TMPRSS11D: variants seen among roughly 807,000 people sequenced by gnomAD.
TMPRSS11D encodes the protein transmembrane serine protease 11D.
In TMPRSS11D, 32 loss-of-function variants were observed where a neutral mutation model predicts 44.4. That is an observed-to-expected ratio of 0.72 (90% CI 0.54 to 0.97). The LOEUF (loss-of-function observed/expected upper bound fraction) is 0.97. Ranked by LOEUF, TMPRSS11D falls within the 50% of genes least tolerant of loss-of-function variation. The pLI, the probability that TMPRSS11D is intolerant of heterozygous loss-of-function variation, is 0.00. For synonymous variants in TMPRSS11D, 179 were observed against 177.9 expected (o/e 1.01, Z -0.05); for missense variants, 446 against 502.6 (o/e 0.89, Z 1.08).
intron 4 of TMPRSS11D, among the ~76,000 whole-genome samples, chr4:67,841,013 T>C (rs1718214825): frequency 6.6e-6 from 1 of 151,746 alleles, no homozygotes; most frequent in Non-Finnish European, 1.5e-5. Flanking sequence ...AGATAAAAGA[T>C]AAAATAGAGG....
Position 67,835,105 on chromosome 4 carries a change from A to C in TMPRSS11D, c.492T>G (p.Ala164=). ...TACCATTAATAAGCCAATTTGCTGC[A>C]GCCTGGTCAGTAAGTGCTAGTATTA... ...STEITSLTDQ[A]AANWLINECG... Residue 164 remains alanine, a synonymous_variant, in exon 6 of 10, where the codon GCT becomes GCG. Transcript: ENST00000283916. 6.2e-7 allele frequency: 1 copy of C among 1,612,484 alleles called. No individual in the cohort carries two copies. Among genetic ancestry groups the C allele is most frequent in the Non-Finnish European group, 8.5e-7 (1 of 1,178,862 alleles).
intron 3 of TMPRSS11D, among the ~76,000 whole-genome samples, chr4:67,853,836 T>G (rs569733270): frequency 1.2e-3 from 188 of 152,300 alleles, no homozygotes; most frequent in African/African-American, 4.2e-3. Context: ...ACAAATAAAA[T>G]GCATATTTAC....
intron 4 of TMPRSS11D, among the ~76,000 whole-genome samples, chr4:67,838,712 A>G (rs1036354564): frequency 6.6e-6 from 1 of 152,114 alleles, no homozygotes; most frequent in African/African-American, 2.4e-5. Context: ...ATAGCACACA[A>G]TAAGTGTACT....
At chr4:67,843,173 T>C (rs1386002557) in intron 3 of TMPRSS11D, among the ~76,000 whole-genome samples, 1 of 150,990 alleles carries the variant, frequency 6.6e-6, no homozygotes, top group African/African-American at 2.4e-5. Context: ...TTTTTAGCAT[T>C]AGTTGGTAAT....
At chr4:67,866,607 C>T (rs970500716) in intron 1 of TMPRSS11D, among the ~76,000 whole-genome samples, 4 of 151,932 alleles carry the variant, frequency 2.6e-5, no homozygotes, top group African/African-American at 9.7e-5. Context: ...CTCCAAAAGA[C>T]TCCTAGATTT....
intron 1 of TMPRSS11D, among the ~76,000 whole-genome samples, chr4:67,875,057 T>G (rs1021523356): frequency 4.6e-5 from 7 of 152,220 alleles, no homozygotes; most frequent in Non-Finnish European, 1.0e-4. Context: ...TCCTACTGGC[T>G]TCTTGCCTAG....
intron 1 of TMPRSS11D, among the ~76,000 whole-genome samples, chr4:67,862,289 G>A (rs1056699652): frequency 1.3e-5 from 2 of 152,060 alleles, no homozygotes; most frequent in Non-Finnish European, 2.9e-5. Context: ...TATAGGAAAG[G>A]TGAGACTCAG....
intron 1 of TMPRSS11D, among the ~76,000 whole-genome samples, chr4:67,866,161 G>A (rs1718920375): frequency 6.6e-6 from 1 of 151,944 alleles, no homozygotes; most frequent in Non-Finnish European, 1.5e-5. Context: ...GGTCAACTGG[G>A]TTTTATTCCA....
chr4:67,843,845 C>T (rs749766586), intron 3 of TMPRSS11D, among the ~76,000 whole-genome samples: 2 of 152,170 alleles, frequency 1.3e-5, no homozygotes, highest in Non-Finnish European at 2.9e-5. Context: ...ATCACTTGAA[C>T]CGGGGAGGTA....
chr4:67,838,211 A>G lies in TMPRSS11D; in HGVS notation c.436T>C (p.Ser146Pro). The change falls in exon 5 of 10, where the codon TCT becomes CCT. Residue 146 changes from serine (S) to proline (P), a missense_variant. Physicochemically the swap from Ser to Pro is moderately conservative, Grantham distance 74. Coordinates refer to ENST00000283916, the MANE Select transcript of TMPRSS11D (RefSeq NM_004262.3). ...GAAGGGTTTATTTCCAGGTTTCCAG[A>G]GTTATTCAGCATTTGTCGTAAAACA... ...ESVLRQMLNNSGNLEINPSTE... is the reference protein window; with the variant it reads ...ESVLRQMLNNPGNLEINPSTE... 3 of 1,587,820 alleles carry G rather than the reference A, an allele frequency of 1.9e-6. No homozygotes were observed. The highest frequency in any genetic ancestry group is 2.6e-6 in the Non-Finnish European group (3 of 1,169,254).
chr4:67,827,742 C>T (rs990564441), intron 7 of TMPRSS11D, among the ~76,000 whole-genome samples: 1 of 151,964 alleles, frequency 6.6e-6, no homozygotes, highest in Non-Finnish European at 1.5e-5. Context: ...GAAAACATAT[C>T]GTGGGGTGAT....
In TMPRSS11D at chr4:67,842,549, T is replaced by A; in HGVS notation, c.317+9A>T. On this transcript the variant is annotated intron_variant, in intron 4 of 9. Coordinates refer to ENST00000283916, the MANE Select transcript of TMPRSS11D (RefSeq NM_004262.3). ...TATACTTAAATATTTTTTCTACAGT[T>A]CCACTCACCTCAGTTTGGCAACATG... The A allele has an allele frequency of 6.2e-7, 1 of 1,611,230 alleles. No homozygotes were observed. Among genetic ancestry groups the A allele is most frequent in the South Asian group, 1.1e-5 (1 of 90,462 alleles).
At chr4:67,825,303 C>A (rs961500238) in intron 9 of TMPRSS11D, among the ~76,000 whole-genome samples, 1 of 151,900 alleles carries the variant, frequency 6.6e-6, no homozygotes, top group Non-Finnish European at 1.5e-5. Context: ...GTTATTAACA[C>A]GAGTGACCAT....
intron 1 of TMPRSS11D, among the ~76,000 whole-genome samples, chr4:67,865,407 T>C (rs970112897): frequency 1.3e-5 from 2 of 151,450 alleles, no homozygotes; most frequent in African/African-American, 4.8e-5. Context: ...ATCCCAATGA[T>C]GTACCTTAAG....
At chr4:67,846,162 AT>A (rs1161307828) in intron 3 of TMPRSS11D, among the ~76,000 whole-genome samples, 1 of 152,166 alleles carries the variant, frequency 6.6e-6, no homozygotes, top group Admixed American at 6.5e-5. Context: ...ATATGTGGCA[AT>A]ATGATCTATC....
At chr4:67,868,091 G>A (rs1458095274) in intron 1 of TMPRSS11D, among the ~76,000 whole-genome samples, 1 of 142,718 alleles carries the variant, frequency 7.0e-6, no homozygotes, top group Non-Finnish European at 1.5e-5. Flanking sequence ...TCACTAGATA[G>A]AGAAATATAT....
chr4:67,829,932 A>T (rs1396935316), intron 7 of TMPRSS11D, among the ~76,000 whole-genome samples: 1 of 152,030 alleles, frequency 6.6e-6, no homozygotes, highest in East Asian at 1.9e-4. Context: ...GCTGGAAAGT[A>T]TTCTGGTATA....
intron 6 of TMPRSS11D, 123 bp from the exon 7 acceptor site, chr4:67,833,504 G>T: frequency 1.1e-6 from 1 of 933,060 alleles, no homozygotes. Flanking sequence ...AGGACATGCT[G>T]GATTTTCCAA....
At chr4:67,882,713 T>C (rs1719348854) in intron 1 of TMPRSS11D, among the ~76,000 whole-genome samples, 1 of 152,130 alleles carries the variant, frequency 6.6e-6, no homozygotes, top group Admixed American at 6.6e-5. Flanking sequence ...ATTACACTTA[T>C]AGATGGTTTA....
Sources: gnomAD v4.1 joint callset for allele counts (sites outside exome capture counted in the v4.1 genomes callset) on GRCh38, gnomAD v4.1.1 for gene constraint, MANE v1.5 for transcripts, NCBI Gene and HGNC (gene_info 2026-07-23, HGNC 2026-07-21) for gene names.